Variants in USP34 observed in about 807,000 individuals in gnomAD.
The protein encoded by USP34 is ubiquitin carboxyl-terminal hydrolase 34.
Under a neutral mutation model 460.3 loss-of-function variants are expected in USP34, and 70 were observed. The observed-to-expected ratio is 0.15, with a 90% CI of 0.13 to 0.19. The LOEUF (loss-of-function observed/expected upper bound fraction) is 0.19. Among genes scored for constraint, USP34 ranks in the 10% least tolerant of loss-of-function variants. The pLI is 1.00. For synonymous variants in USP34, 1,647 were observed against 1,405.3 expected (o/e 1.17, Z -3.85); for missense variants, 3,985 against 4,236.2 (o/e 0.94, Z 1.65).
intron 51 of USP34, among the ~76,000 whole-genome samples, chr2:61,243,194 T>A (rs2103862075): frequency 6.6e-6 from 1 of 151,232 alleles, no homozygotes; most frequent in Admixed American, 6.6e-5. Flanking sequence ...TTACCCAGGC[T>A]GGAGTGCAAT....
chr2:61,353,001 A>T (rs1691990401), intron 10 of USP34, among the ~76,000 whole-genome samples: 1 of 152,190 alleles, frequency 6.6e-6, no homozygotes. Context: ...GTCAATCTGA[A>T]CTTCTACACT....
intron 2 of USP34, among the ~76,000 whole-genome samples, chr2:61,418,709 G>A (rs1469021073): frequency 6.6e-6 from 1 of 152,192 alleles, no homozygotes; most frequent in Non-Finnish European, 1.5e-5. Flanking sequence ...GAGGAAGAGA[G>A]GAAGATGGAA....
chr2:61,273,593 CTG>C (rs1689283884), intron 41 of USP34, among the ~76,000 whole-genome samples: 1 of 152,096 alleles, frequency 6.6e-6, no homozygotes, highest in Non-Finnish European at 1.5e-5. Context: ...TGCCAGGTGC[CTG>C]TAGTCTCAGC....
intron 1 of USP34, among the ~76,000 whole-genome samples, chr2:61,439,854 C>T (rs1694916393): frequency 6.6e-6 from 1 of 152,126 alleles, no homozygotes; most frequent in Non-Finnish European, 1.5e-5. Context: ...ATGTGTGGCC[C>T]AGAGAGGTGT....
chr2:61,452,167 C>A (rs1176810756), intron 1 of USP34, among the ~76,000 whole-genome samples: 3 of 149,008 alleles, frequency 2.0e-5, no homozygotes, highest in Non-Finnish European at 4.5e-5. Flanking sequence ...GAGCGAGACT[C>A]CGTCTCAAAA....
intron 58 of USP34, among the ~76,000 whole-genome samples, chr2:61,231,425 A>G (rs1687901352): frequency 6.6e-6 from 1 of 152,190 alleles, no homozygotes; most frequent in Non-Finnish European, 1.5e-5. Context: ...TAAGAATTGT[A>G]ACTTAGGCCA....
chr2:61,463,701 G>C (rs1558610473), intron 1 of USP34, among the ~76,000 whole-genome samples: 1 of 151,898 alleles, frequency 6.6e-6, no homozygotes, highest in Non-Finnish European at 1.5e-5. Flanking sequence ...AGGCATGGTG[G>C]TGCATGCCTG....
intron 3 of USP34, among the ~76,000 whole-genome samples, chr2:61,398,787 T>C (rs1274716678): frequency 5.3e-5 from 8 of 152,144 alleles, no homozygotes; most frequent in Admixed American, 5.2e-4. Context: ...AAAGCAATCA[T>C]ACAGAACTCA....
intron 1 of USP34, among the ~76,000 whole-genome samples, chr2:61,454,536 T>C (rs1695375956): frequency 1.3e-5 from 2 of 152,152 alleles, no homozygotes; most frequent in Middle Eastern, 3.2e-3. Flanking sequence ...AACAGGTCCC[T>C]GGTGACTGTG....
intron 10 of USP34, among the ~76,000 whole-genome samples, chr2:61,365,333 ATG>A (rs1358534513): frequency 1.3e-5 from 2 of 151,462 alleles, no homozygotes; most frequent in African/African-American, 4.9e-5. Context: ...GTGTGTATAT[ATG>A]TATGTATGTA....
In USP34 at chr2:61,248,516, T is replaced by C. The variant is rs749826328; in HGVS notation, c.6389A>G (p.Lys2130Arg). 2 of 1,553,404 alleles carry C rather than the reference T, an allele frequency of 1.3e-6. No homozygotes were observed. Among genetic ancestry groups the C allele is most frequent in the South Asian group, 2.4e-5 (2 of 82,866 alleles). ...EDFLMGKSER[K>R]EGFKEVSDHS... ...GAAAGAAATGAAAAAATCACCTTCT[T>C]TCCTCTCACTCTTTCCCATAAGAAA... Residue 2130 changes from lysine to arginine, a missense_variant, in exon 49 of 80, where the codon AAA (lysine) becomes AGA (arginine). Transcript: ENST00000398571.
chr2:61,194,217 G>C, intron 75 of USP34: 1 of 985,352 alleles, frequency 1.0e-6, no homozygotes, highest in African/African-American at 1.7e-5. Context: ...TTCCTGTCAA[G>C]ATGAGTCCCT....
intron 1 of USP34, among the ~76,000 whole-genome samples, chr2:61,444,522 G>C (rs1460616983): frequency 6.6e-6 from 1 of 152,124 alleles, no homozygotes; most frequent in Non-Finnish European, 1.5e-5. Flanking sequence ...TAATGGCTAA[G>C]TACTTCTAAA....
At chr2:61,215,285 C>A (rs1687364915) in intron 67 of USP34, among the ~76,000 whole-genome samples, 1 of 151,908 alleles carries the variant, frequency 6.6e-6, no homozygotes, top group Admixed American at 6.6e-5. Context: ...AACCTTACAC[C>A]AAAGGAAAGA....
chr2:61,374,995 C>T lies in USP34; in HGVS notation c.1076+3368G>A, dbSNP rs778071600. On this transcript the variant is annotated intron_variant, in intron 8 of 79. Transcript: ENST00000398571. The stretch of plus-strand genomic sequence containing the variant: ...AGAACACCCCACAGAATACCCCATA[C>T]GACAACAGCAGAATGTACAGTCTTC... Among the ~76,000 whole-genome samples the T allele has an allele frequency of 1.4e-4, 22 of 152,136 alleles. 1 individual carries two copies. Among genetic ancestry groups the T allele is most frequent in the African/African-American group, 2.9e-4 (12 of 41,428 alleles).
chr2:61,188,804 A>G (rs912706198), intron 79 of USP34, 95 bp from the exon 80 acceptor site: 12 of 1,567,050 alleles, frequency 7.7e-6, no homozygotes, highest in South Asian at 2.5e-5. Context: ...TCTAGCATTT[A>G]TATTTAGGAG....
chr2:61,459,936 C>T (rs1357460328), intron 1 of USP34, among the ~76,000 whole-genome samples: 1 of 152,118 alleles, frequency 6.6e-6, no homozygotes, highest in Non-Finnish European at 1.5e-5. Flanking sequence ...GTGGCGGACG[C>T]CTGTAGTCCC....
intron 67 of USP34, among the ~76,000 whole-genome samples, chr2:61,215,300 G>C (rs1251540536): frequency 6.6e-6 from 1 of 151,874 alleles, no homozygotes; most frequent in Non-Finnish European, 1.5e-5. Context: ...GAAAGAACTG[G>C]GTGTTAAATT....
chr2:61,301,452 C>T lies in USP34; in HGVS notation c.3820G>A (p.Gly1274Ser), dbSNP rs780748607. 5.0e-6 allele frequency: 8 copies of T among 1,609,266 alleles called. No individual in the cohort carries two copies. Among genetic ancestry groups the T allele is most frequent in the Admixed American group, 3.4e-5 (2 of 58,776 alleles). Residue 1274 changes from glycine (G) to serine (S), a missense_variant and splice_region_variant, in exon 28 of 80, where the codon GGC (glycine) becomes AGC (serine). Transcript: ENST00000398571. ...ATCATCCTGACAGGTCCCATGAGGC[C>T]TCCTTAAAAACAGCAAAACATGGAA... Reference protein sequence around the residue: ...QSNRKGEFPGGLMGPVRMISS... With the variant: ...QSNRKGEFPGSLMGPVRMISS...
Sources: gnomAD v4.1 joint callset for allele counts (sites outside exome capture counted in the v4.1 genomes callset) on GRCh38, gnomAD v4.1.1 for gene constraint, MANE v1.5 for transcripts, NCBI Gene and HGNC (gene_info 2026-07-23, HGNC 2026-07-21) for gene names.